Variants in FSTL5 observed in about 807,000 individuals in gnomAD.
FSTL5 encodes the protein follistatin-related protein 5.
In FSTL5, 62 loss-of-function variants were observed where a neutral mutation model predicts 89.1. The ratio of observed to expected loss-of-function variants is 0.70; its 90% CI spans 0.57 to 0.86. FSTL5 has a LOEUF of 0.86. Ranked by LOEUF, FSTL5 falls within the 40% of genes least tolerant of loss-of-function variation. FSTL5 has a pLI of 0.00. For synonymous variants in FSTL5, 383 were observed against 346.2 expected, an observed-to-expected ratio of 1.11 and a Z score of -1.18; for missense variants, 1,057 against 1,001.6, an observed-to-expected ratio of 1.06 and a Z score of -0.75.
At chr4:161,991,286 T>A (rs541351578) in intron 3 of FSTL5, among the ~76,000 whole-genome samples, 11 of 152,314 alleles carry the variant, frequency 7.2e-5, no homozygotes, top group African/African-American at 2.6e-4. Context: ...CGACTGAACT[T>A]GAAAGCAAAA....
chr4:162,085,932 C>T (rs779689367), intron 2 of FSTL5, among the ~76,000 whole-genome samples: 12 of 152,020 alleles, frequency 7.9e-5, no homozygotes, highest in South Asian at 2.1e-4. Context: ...AGTTACATTA[C>T]GTAGGGGCTC....
At chr4:162,088,683 T>C (rs1430409214) in intron 2 of FSTL5, among the ~76,000 whole-genome samples, 1 of 152,096 alleles carries the variant, frequency 6.6e-6, no homozygotes, top group Non-Finnish European at 1.5e-5. Context: ...TAGAAACAGA[T>C]TTAATTTTGT....
chr4:161,538,145 G>T, intron 10 of FSTL5, 21 bp downstream of exon 10: 12 of 1,612,512 alleles, frequency 7.4e-6, no homozygotes, highest in Non-Finnish European at 1.0e-5. Context: ...TGTGTGTGCT[G>T]TTGGGTGGTT....
chr4:161,742,870 A>T (rs1166112534), intron 6 of FSTL5, among the ~76,000 whole-genome samples: 1 of 152,202 alleles, frequency 6.6e-6, no homozygotes, highest in East Asian at 1.9e-4. Context: ...AAGTACATTC[A>T]AAGAATATAT....
chr4:161,438,210 A>T (rs1732638477), intron 15 of FSTL5, among the ~76,000 whole-genome samples: 1 of 152,248 alleles, frequency 6.6e-6, no homozygotes. Context: ...TAACTTAAAT[A>T]GCTGTCTATA....
intron 10 of FSTL5, among the ~76,000 whole-genome samples, chr4:161,518,579 A>G (rs1730919774): frequency 6.6e-6 from 1 of 152,202 alleles, no homozygotes; most frequent in South Asian, 2.1e-4. Context: ...TTAGTTTTCA[A>G]ATAATCTATT....
At chr4:162,044,492 G>T (rs879932785) in intron 2 of FSTL5, among the ~76,000 whole-genome samples, 2 of 152,014 alleles carry the variant, frequency 1.3e-5, no homozygotes, top group Non-Finnish European at 2.9e-5. Context: ...AGGACCTCAG[G>T]GTTTTCAGAA....
intron 7 of FSTL5, among the ~76,000 whole-genome samples, chr4:161,655,124 T>C (rs531700589): frequency 6.6e-6 from 1 of 152,194 alleles, no homozygotes; most frequent in South Asian, 2.1e-4. Context: ...AGTGTCTTTA[T>C]TGTCTTTTGA....
intron 7 of FSTL5, among the ~76,000 whole-genome samples, chr4:161,647,549 G>A (rs1227285990): frequency 2.6e-5 from 4 of 151,172 alleles, no homozygotes; most frequent in East Asian, 3.9e-4. Flanking sequence ...ATTTTGGTAA[G>A]GATTAAACTG....
intron 6 of FSTL5, among the ~76,000 whole-genome samples, chr4:161,720,539 T>C (rs1206925994): frequency 6.6e-6 from 1 of 152,124 alleles, no homozygotes; most frequent in Non-Finnish European, 1.5e-5. Flanking sequence ...GAAATCAGGA[T>C]CTTGGAAAGA....
At chr4:161,846,239 T>C (rs1197565536) in intron 4 of FSTL5, among the ~76,000 whole-genome samples, 1 of 152,134 alleles carries the variant, frequency 6.6e-6, no homozygotes, top group Non-Finnish European at 1.5e-5. Flanking sequence ...TAAATGTGTG[T>C]ATTTATATAC....
intron 12 of FSTL5, among the ~76,000 whole-genome samples, chr4:161,484,867 G>A (rs116159905): frequency 6.6e-6 from 1 of 152,128 alleles, no homozygotes; most frequent in Non-Finnish European, 1.5e-5. Context: ...GTCATAAAAG[G>A]TTCTTTCATT....
At chr4:161,987,804 G>T (rs183414848) in intron 3 of FSTL5, among the ~76,000 whole-genome samples, 87 of 151,630 alleles carry the variant, frequency 5.7e-4, no homozygotes, top group African/African-American at 2.0e-3. Context: ...CCATGTCTGA[G>T]CACACCTTCA....
chr4:161,951,105 G>A (rs1734882296), intron 3 of FSTL5, among the ~76,000 whole-genome samples: 1 of 151,880 alleles, frequency 6.6e-6, no homozygotes, highest in Admixed American at 6.6e-5. Context: ...TTTTATAAAG[G>A]GGAGTTCCTC....
intron 1 of FSTL5, among the ~76,000 whole-genome samples, chr4:162,160,056 C>T (rs766463102): frequency 7.4e-5 from 9 of 122,354 alleles, no homozygotes; most frequent in Non-Finnish European, 1.6e-4. Flanking sequence ...AGGCCATGCC[C>T]TTGCATGTTT....
chr4:161,444,015 T>C (rs1732863838), intron 15 of FSTL5, among the ~76,000 whole-genome samples: 1 of 151,994 alleles, frequency 6.6e-6, no homozygotes, highest in Admixed American at 6.6e-5. Context: ...TATATAGCAC[T>C]GTAGCAAAAT....
chr4:161,561,468 G>A (rs1350682972), intron 8 of FSTL5, among the ~76,000 whole-genome samples: 1 of 151,898 alleles, frequency 6.6e-6, no homozygotes, highest in Non-Finnish European at 1.5e-5. Flanking sequence ...TGAATGCCTG[G>A]TGGCTGTTAA....
chr4:161,556,466 CA>C (rs1732397231), intron 8 of FSTL5, among the ~76,000 whole-genome samples: 1 of 151,414 alleles, frequency 6.6e-6, no homozygotes, highest in Non-Finnish European at 1.5e-5. Flanking sequence ...CAGGATTACT[CA>C]AGACGAAGAT....
At chr4:161,605,161 G>T (rs557602746) in intron 7 of FSTL5, among the ~76,000 whole-genome samples, 1 of 152,250 alleles carries the variant, frequency 6.6e-6, no homozygotes, top group South Asian at 2.1e-4. Context: ...TTAGCATACA[G>T]AAAATAAATT....
Sources: gnomAD v4.1 joint callset for allele counts (sites outside exome capture counted in the v4.1 genomes callset) on GRCh38, gnomAD v4.1.1 for gene constraint, MANE v1.5 for transcripts, NCBI Gene and HGNC (gene_info 2026-07-23, HGNC 2026-07-21) for gene names.